ANKS1B: variants seen among roughly 807,000 people sequenced by gnomAD.
The protein encoded by ANKS1B is ankyrin repeat and sterile alpha motif domain containing 1B, also known as ankyrin repeat and sterile alpha motif domain-containing protein 1B.
Under a neutral mutation model 148.3 loss-of-function variants are expected in ANKS1B, and 36 were observed. The observed-to-expected ratio is 0.24, with a 90% CI of 0.19 to 0.32. The LOEUF is 0.32. Ranked by LOEUF, ANKS1B falls within the 10% of genes least tolerant of loss-of-function variation. The pLI, the probability that ANKS1B is intolerant of heterozygous loss-of-function variation, is 1.00. For synonymous variants in ANKS1B, 542 were observed against 560.8 expected (o/e 0.97, Z 0.47); for missense variants, 1,157 against 1,542.6 (o/e 0.75, Z 4.19).
intron 15 of ANKS1B, among the ~76,000 whole-genome samples, chr12:99,121,755 T>C (rs1268334604): frequency 6.6e-6 from 1 of 152,136 alleles, no homozygotes; most frequent in Non-Finnish European, 1.5e-5. Context: ...GAATTATCCT[T>C]TTGTTCCCTT....
intron 9 of ANKS1B, among the ~76,000 whole-genome samples, chr12:99,562,134 A>G (rs1467125140): frequency 1.3e-5 from 2 of 152,218 alleles, no homozygotes; most frequent in Non-Finnish European, 2.9e-5. Context: ...ACCTTGAAAT[A>G]AATCTTTTGA....
chr12:99,759,482 A>G (rs2061881850), intron 8 of ANKS1B, among the ~76,000 whole-genome samples: 1 of 152,006 alleles, frequency 6.6e-6, no homozygotes, highest in Admixed American at 6.6e-5. Context: ...TTTCTGGGTT[A>G]CTAGTCTACT....
At chr12:98,746,871 C>G (rs546332654) in intron 26 of ANKS1B, among the ~76,000 whole-genome samples, 1 of 152,258 alleles carries the variant, frequency 6.6e-6, no homozygotes, top group East Asian at 1.9e-4. Flanking sequence ...ATCTATACAA[C>G]AGAATGAAAC....
chr12:99,668,460 C>G lies in ANKS1B; in HGVS notation c.1129-13250G>C, dbSNP rs59581986. On this transcript the variant is annotated intron_variant, in intron 8 of 26. Coordinates refer to ENST00000683438, the MANE Select transcript of ANKS1B (RefSeq NM_001352186.2). ...GAAGCTTAGGTCTTTCATTTAAGAC[C>G]TTTCTCCTTTTCCTATATAAGAACT... Among the ~76,000 whole-genome samples the G allele has an allele frequency of 6.2e-3, 941 of 151,126 alleles. 13 individuals are homozygous for G. Among genetic ancestry groups the G allele is most frequent in the African/African-American group, 0.022 (889 of 41,188 alleles).
At position 98,744,608 on chromosome 12, in the gene ANKS1B, A is replaced by T; in HGVS notation, c.*1131T>A. 1 of 752,882 alleles carries T rather than the reference A, an allele frequency of 1.3e-6. No homozygotes were observed. The highest frequency in any genetic ancestry group is 1.6e-6 in the Non-Finnish European group (1 of 617,922). 46.6% of individuals were successfully genotyped at this position (752,882 alleles called of 1,614,324 possible). A position where few individuals can be genotyped will look rare whatever the true frequency, so the allele number is the denominator to read the frequency against. ...CCTTAAAGAAATGTAAGTAAATTTT[A>T]TTTAATCAAATAGTAAGCAAACTTT... On this transcript the variant is annotated 3_prime_UTR_variant, in exon 27 of 27. Coordinates refer to ENST00000683438, the MANE Select transcript of ANKS1B (RefSeq NM_001352186.2).
intron 4 of ANKS1B, among the ~76,000 whole-genome samples, chr12:99,784,760 T>C (rs1263357902): frequency 6.6e-6 from 1 of 152,212 alleles, no homozygotes; most frequent in Admixed American, 6.5e-5. Context: ...AAGAGTATGC[T>C]TTAAGAACCA....
At chr12:99,891,195 A>C (rs1021622292) in intron 1 of ANKS1B, among the ~76,000 whole-genome samples, 3 of 152,214 alleles carry the variant, frequency 2.0e-5, no homozygotes, top group Non-Finnish European at 4.4e-5. Flanking sequence ...GGAAACTGTG[A>C]AAGCAGTTTT....
intron 1 of ANKS1B, among the ~76,000 whole-genome samples, chr12:99,913,947 T>C (rs2094091153): frequency 6.6e-6 from 1 of 152,220 alleles, no homozygotes; most frequent in Non-Finnish European, 1.5e-5. Flanking sequence ...CAAACCCTGT[T>C]AGACCTTGTA....
intron 16 of ANKS1B, among the ~76,000 whole-genome samples, chr12:99,078,841 T>C (rs1373952704): frequency 6.6e-6 from 1 of 152,038 alleles, no homozygotes. Context: ...GTGACTTGAT[T>C]GTAATGAATA....
chr12:99,898,561 A>G (rs572202915), intron 1 of ANKS1B, among the ~76,000 whole-genome samples: 1 of 152,184 alleles, frequency 6.6e-6, no homozygotes, highest in Non-Finnish European at 1.5e-5. Flanking sequence ...GCCCTGGGTA[A>G]GCCAAGCTCA....
intron 1 of ANKS1B, among the ~76,000 whole-genome samples, chr12:99,887,287 T>C (rs1280085614): frequency 6.6e-6 from 1 of 152,220 alleles, no homozygotes; most frequent in African/African-American, 2.4e-5. Flanking sequence ...GCTGTAAGTG[T>C]AAAATACACA....
At chr12:99,273,878 C>T (rs1239755162) in intron 12 of ANKS1B, among the ~76,000 whole-genome samples, 1 of 152,032 alleles carries the variant, frequency 6.6e-6, no homozygotes, top group Admixed American at 6.6e-5. Context: ...AGCCACGGCA[C>T]CCGGCCTTTT....
intron 16 of ANKS1B, among the ~76,000 whole-genome samples, chr12:99,058,904 A>AT (rs572861635): frequency 6.7e-6 from 1 of 150,068 alleles, no homozygotes; most frequent in Admixed American, 6.6e-5. Flanking sequence ...CGCCCGGCTA[A>AT]TTTTTTGTAT....
chr12:99,734,667 CCTG>C (rs2059456022), intron 8 of ANKS1B, among the ~76,000 whole-genome samples: 1 of 152,146 alleles, frequency 6.6e-6, no homozygotes, highest in Non-Finnish European at 1.5e-5. Context: ...CATCTTTCTC[CCTG>C]CTTTCACTGT....
At chr12:99,422,324 AAGAT>A (rs1380571032) in intron 11 of ANKS1B, among the ~76,000 whole-genome samples, 4 of 152,186 alleles carry the variant, frequency 2.6e-5, no homozygotes, top group African/African-American at 9.7e-5. Flanking sequence ...TATTAACTAA[AAGAT>A]AGATGCCATT....
chr12:99,302,178 T>G (rs796362446), intron 12 of ANKS1B, among the ~76,000 whole-genome samples: 1 of 152,162 alleles, frequency 6.6e-6, no homozygotes, highest in South Asian at 2.1e-4. Context: ...ATTTTTTACA[T>G]GAAAATCATA....
At chr12:98,782,716 A>G (rs904244491) in intron 22 of ANKS1B, among the ~76,000 whole-genome samples, 1 of 152,212 alleles carries the variant, frequency 6.6e-6, no homozygotes, top group Non-Finnish European at 1.5e-5. Context: ...ATGGCTTACT[A>G]AAAGTATTGT....
chr12:99,378,225 C>T (rs1484943186), intron 12 of ANKS1B, among the ~76,000 whole-genome samples: 1 of 152,168 alleles, frequency 6.6e-6, no homozygotes, highest in Admixed American at 6.5e-5. Context: ...ATCAGACTTA[C>T]AGGGAACACA....
At chr12:99,205,741 G>T (rs923751990) in intron 14 of ANKS1B, among the ~76,000 whole-genome samples, 4 of 152,200 alleles carry the variant, frequency 2.6e-5, no homozygotes, top group African/African-American at 9.7e-5. Context: ...TGACCTTTGG[G>T]TTTGTGCTGG....
Sources: allele counts gnomAD v4.1 joint callset (sites outside exome capture counted in the v4.1 genomes callset), GRCh38; gene constraint gnomAD v4.1.1; transcripts MANE v1.5; gene names NCBI Gene and HGNC (gene_info 2026-07-23, HGNC 2026-07-21).